The following AMPH variants were observed in gnomAD, a reference collection of about 807,000 sequenced individuals.
AMPH encodes amphiphysin (Stiff-Mann syndrome with breast cancer 128kD autoantigen).
In AMPH, 49 loss-of-function variants were observed where a neutral mutation model predicts 99.1. That is an observed-to-expected ratio of 0.49 (90% CI 0.39 to 0.63). The LOEUF (loss-of-function observed/expected upper bound fraction) is 0.63, where lower values mean the gene tolerates loss of function less well. Ranked by LOEUF, AMPH falls within the 20% of genes least tolerant of loss-of-function variation. The pLI, the probability that AMPH is intolerant of heterozygous loss-of-function variation, is 0.00. For synonymous variants in AMPH, 314 were observed against 317.3 expected (o/e 0.99, Z 0.11); for missense variants, 759 against 863.4 (o/e 0.88, Z 1.52).
chr7:38,550,418 A>T (rs1791139800), intron 1 of AMPH, among the ~76,000 whole-genome samples: 1 of 152,244 alleles, frequency 6.6e-6, no homozygotes, highest in South Asian at 2.1e-4. Context: ...TATTCTGGGC[A>T]TTTGATGTTG....
rs771742587 is a variant in AMPH, at chr7:38,534,972, C to T, written c.109G>A (p.Glu37Lys). 32 of 1,614,076 alleles carry T rather than the reference C, an allele frequency of 2.0e-5. No individual in the cohort carries two copies. Among genetic ancestry groups the T allele is most frequent in the African/African-American group, 2.7e-5 (2 of 75,044 alleles). Residue 37 changes from glutamate to lysine, a missense_variant, in exon 2 of 21, where the codon GAA becomes AAA. Physicochemically the swap from Glu to Lys is moderately conservative, Grantham distance 56. Around this residue, in one of 2 missense-constraint regions of AMPH, gnomAD observed 205 missense variants for 287.9 expected, o/e 0.71. Coordinates refer to ENST00000356264, the MANE Select transcript of AMPH (RefSeq NM_001635.4). Reference sequence around the variant, plus strand: ...TTCTGGACATATTCTTCGAACTGTTCGTCTTTTGTCTCATCAGCTTTCCCC... The same window carrying T: ...TTCTGGACATATTCTTCGAACTGTTTGTCTTTTGTCTCATCAGCTTTCCCC... Reference protein sequence around the residue: ...KLGKADETKDEQFEEYVQNFK... With the variant: ...KLGKADETKDKQFEEYVQNFK...
intron 1 of AMPH, among the ~76,000 whole-genome samples, chr7:38,617,245 G>T (rs934867286): frequency 2.0e-5 from 3 of 152,198 alleles, no homozygotes; most frequent in Admixed American, 6.5e-5. Context: ...TCTAATGTAC[G>T]TTGGAAATAA....
chr7:38,562,792 C>G (rs146713337), intron 1 of AMPH, among the ~76,000 whole-genome samples: 3 of 152,214 alleles, frequency 2.0e-5, no homozygotes, highest in Admixed American at 6.5e-5. Context: ...AAGGAATAAA[C>G]AAACAAAAAT....
At chr7:38,610,263 A>G (rs1793592154) in intron 1 of AMPH, among the ~76,000 whole-genome samples, 3 of 23,614 alleles carry the variant, frequency 1.3e-4, no homozygotes, top group African/African-American at 7.0e-4. Context: ...AAAAAAAAAA[A>G]GAAAGAAAGA....
chr7:38,494,375 G>A, intron 4 of AMPH, 58 bp downstream of exon 4: 1 of 1,406,752 alleles, frequency 7.1e-7, no homozygotes, highest in South Asian at 1.2e-5. Context: ...GCAAGTCAGG[G>A]GACAGGTGGA....
chr7:38,603,174 G>A (rs1043711562), intron 1 of AMPH, among the ~76,000 whole-genome samples: 1 of 151,866 alleles, frequency 6.6e-6, no homozygotes, highest in Admixed American at 6.6e-5. Flanking sequence ...AAATTAGCTG[G>A]GCATGGTGGC....
intron 1 of AMPH, among the ~76,000 whole-genome samples, chr7:38,623,162 G>A (rs148572779): frequency 4.1e-4 from 62 of 152,208 alleles, no homozygotes; most frequent in African/African-American, 1.4e-3. Context: ...CATTTAATTC[G>A]AATATTTAAA....
intron 1 of AMPH, among the ~76,000 whole-genome samples, chr7:38,543,973 T>C (rs1790905389): frequency 6.6e-6 from 1 of 152,238 alleles, no homozygotes; most frequent in African/African-American, 2.4e-5. Flanking sequence ...TTTTTACTCA[T>C]TAATTAATGA....
Position 38,610,247 on chromosome 7 carries a change from A to AG in AMPH, c.69+21035_69+21036insC, listed in dbSNP as rs1793584798. Among the ~76,000 whole-genome samples, 22 of 18,258 alleles carry AG rather than the reference A, an allele frequency of 1.2e-3. 5 individuals carry two copies. Among genetic ancestry groups the AG allele is most frequent in the Non-Finnish European group, 1.3e-3 (11 of 8,182 alleles). 12.0% of individuals were successfully genotyped at this position (18,258 alleles called of 152,430 possible). A position where few individuals can be genotyped will look rare whatever the true frequency, so the allele number is the denominator to read the frequency against. On this transcript the variant is annotated intron_variant, in intron 1 of 20. Coordinates refer to ENST00000356264, the MANE Select transcript of AMPH (RefSeq NM_001635.4). ...GCTAAGCTCTCTCAAAAAAAAAAAA[A>AG]AAAAAAAAAAAAAAAAGAAAGAAAG...
At chr7:38,528,097 A>G (rs1215652060) in intron 2 of AMPH, among the ~76,000 whole-genome samples, 6 of 152,130 alleles carry the variant, frequency 3.9e-5, no homozygotes. Context: ...AATAAATCCT[A>G]TTTGGTCAAG....
At chr7:38,466,570 G>A (rs1787661769) in intron 7 of AMPH, among the ~76,000 whole-genome samples, 1 of 151,678 alleles carries the variant, frequency 6.6e-6, no homozygotes, top group African/African-American at 2.4e-5. Context: ...TGAAGACTGA[G>A]AATTTGTATT....
At chr7:38,605,676 A>G (rs1450952590) in intron 1 of AMPH, among the ~76,000 whole-genome samples, 1 of 152,100 alleles carries the variant, frequency 6.6e-6, no homozygotes, top group Non-Finnish European at 1.5e-5. Context: ...CCTCAGTTCA[A>G]GCAATTCTCC....
At chr7:38,459,352 AT>A (rs1787353996) in intron 11 of AMPH, among the ~76,000 whole-genome samples, 1 of 152,180 alleles carries the variant, frequency 6.6e-6, no homozygotes, top group Non-Finnish European at 1.5e-5. Context: ...AAATCATAAA[AT>A]TTGTATGAAA....
intron 1 of AMPH, among the ~76,000 whole-genome samples, chr7:38,618,322 C>T (rs1793942665): frequency 6.6e-6 from 1 of 150,502 alleles, no homozygotes; most frequent in Non-Finnish European, 1.5e-5. Flanking sequence ...ACCATCCTGG[C>T]TAACATGGTG....
chr7:38,521,133 T>C (rs1017620095), intron 2 of AMPH, among the ~76,000 whole-genome samples: 2 of 50,224 alleles, frequency 4.0e-5, no homozygotes, highest in Non-Finnish European at 7.6e-5. Flanking sequence ...ACTGAACAAG[T>C]AGAATTTGCT....
intron 7 of AMPH, among the ~76,000 whole-genome samples, chr7:38,467,033 A>G (rs1787684138): frequency 6.6e-6 from 1 of 152,208 alleles, no homozygotes; most frequent in African/African-American, 2.4e-5. Flanking sequence ...TCATAAATAC[A>G]TGTGCATATA....
intron 15 of AMPH, 21 bp downstream of exon 15, chr7:38,426,933 G>T (rs1357871401): frequency 6.2e-7 from 1 of 1,610,542 alleles, no homozygotes; most frequent in Non-Finnish European, 8.5e-7. Context: ...GATGGATCTT[G>T]TAAGAAAACA....
At chr7:38,623,691 C>T (rs1202291342) in intron 1 of AMPH, among the ~76,000 whole-genome samples, 1 of 152,200 alleles carries the variant, frequency 6.6e-6, no homozygotes, top group East Asian at 1.9e-4. Flanking sequence ...CTGGGCCTCA[C>T]AGTACAAATC....
chr7:38,429,638 G>A (rs928517238), intron 14 of AMPH: 19 of 1,412,992 alleles, frequency 1.3e-5, no homozygotes, highest in Non-Finnish European at 1.8e-5. Flanking sequence ...AACAGAACAT[G>A]GTAAGATTTG....
Sources: gnomAD v4.1 joint callset for allele counts (sites outside exome capture counted in the v4.1 genomes callset) on GRCh38, gnomAD v4.1.1 for gene constraint, gnomAD v4.1.1 regional missense constraint, MANE v1.5 for transcripts, NCBI Gene and HGNC (gene_info 2026-07-23, HGNC 2026-07-21) for gene names.